DCC: variants seen among roughly 807,000 people sequenced by gnomAD.
The protein encoded by DCC is netrin receptor DCC.
DCC carries 58 observed loss-of-function variants against 172.5 expected under a neutral mutation model. That is an observed-to-expected ratio of 0.34 (90% CI 0.27 to 0.42). The LOEUF (loss-of-function observed/expected upper bound fraction) is 0.42. Among genes scored for constraint, DCC ranks in the 10% least tolerant of loss-of-function variants. The pLI, the probability that DCC is intolerant of heterozygous loss-of-function variation, is 1.00. For missense variants in DCC, 1,740 were observed against 1,791.0 expected (o/e 0.97, Z 0.51); for synonymous variants, 709 against 644.5 (o/e 1.10, Z -1.52).
intron 1 of DCC, among the ~76,000 whole-genome samples, chr18:52,721,433 T>C (rs758969487): frequency 2.0e-5 from 3 of 152,192 alleles, no homozygotes; most frequent in Non-Finnish European, 4.4e-5. Context: ...GTTCTGTTTG[T>C]TCCAAATATA....
chr18:53,411,712 C>A (rs1910000405), intron 20 of DCC, among the ~76,000 whole-genome samples: 1 of 152,116 alleles, frequency 6.6e-6, no homozygotes, highest in Non-Finnish European at 1.5e-5. Context: ...CAACAACACA[C>A]AAGCAAGCAT....
chr18:52,355,620 G>A (rs1568129761), intron 1 of DCC, among the ~76,000 whole-genome samples: 1 of 152,088 alleles, frequency 6.6e-6, no homozygotes. Context: ...AATGTTTCAT[G>A]TATCATATTT....
intron 25 of DCC, among the ~76,000 whole-genome samples, chr18:53,474,746 T>G (rs1322263872): frequency 6.6e-6 from 1 of 152,168 alleles, no homozygotes; most frequent in Non-Finnish European, 1.5e-5. Flanking sequence ...TGGACTAATA[T>G]AGTAATTTGT....
At chr18:53,014,408 A>G (rs1318975885) in intron 5 of DCC, among the ~76,000 whole-genome samples, 1 of 145,396 alleles carries the variant, frequency 6.9e-6, no homozygotes, top group Non-Finnish European at 1.5e-5. Flanking sequence ...CATTAGGTAT[A>G]TCTCCTAATG....
chr18:53,423,133 A>C (rs13381100), intron 21 of DCC, among the ~76,000 whole-genome samples: 65,603 of 152,000 alleles, frequency 0.43, 15,965 homozygotes, highest in Non-Finnish European at 0.56. Context: ...ATAGGAATTG[A>C]TGTGATTCAT....
intron 1 of DCC, among the ~76,000 whole-genome samples, chr18:52,692,953 C>G (rs1455449335): frequency 6.6e-6 from 1 of 152,090 alleles, no homozygotes; most frequent in Non-Finnish European, 1.5e-5. Context: ...CCTTTAAGAA[C>G]AGTCCTCTGA....
At chr18:52,969,584 A>ACTCTCTCTCTCTCTCTCTCT (rs56024197) in intron 5 of DCC, among the ~76,000 whole-genome samples, 1 of 119,440 alleles carries the variant, frequency 8.4e-6, no homozygotes, top group Non-Finnish European at 1.7e-5. Context: ...CCCGCCCCCC[A>ACTCTCTCTCTCTCTCTCTCT]CTCTCTCTCT....
At chr18:52,607,790 T>C (rs1024576135) in intron 1 of DCC, among the ~76,000 whole-genome samples, 5 of 152,162 alleles carry the variant, frequency 3.3e-5, no homozygotes, top group South Asian at 4.1e-4. Flanking sequence ...TAAAATGCTG[T>C]GTAAAAATGA....
chr18:53,288,858 T>C (rs773054727), intron 12 of DCC, among the ~76,000 whole-genome samples: 16 of 152,146 alleles, frequency 1.1e-4, no homozygotes, highest in Non-Finnish European at 1.9e-4. Context: ...ATAAATAAAA[T>C]TGGTACAGTA....
intron 7 of DCC, among the ~76,000 whole-genome samples, chr18:53,135,514 T>C (rs2043727709): frequency 6.6e-6 from 1 of 152,158 alleles, no homozygotes; most frequent in East Asian, 1.9e-4. Context: ...GCAGGAATTA[T>C]TTTCTGCAAG....
chr18:53,231,542 A>C (rs1354169354), intron 12 of DCC, among the ~76,000 whole-genome samples: 1 of 152,136 alleles, frequency 6.6e-6, no homozygotes, highest in Non-Finnish European at 1.5e-5. Flanking sequence ...ATTGTGACCA[A>C]TGATATAATG....
intron 8 of DCC, among the ~76,000 whole-genome samples, chr18:53,169,641 G>A (rs982411226): frequency 3.3e-5 from 5 of 152,128 alleles, no homozygotes; most frequent in Admixed American, 6.6e-5. Flanking sequence ...CATATTTGAA[G>A]GGTAATTATG....
In DCC at chr18:52,510,797, A is replaced by G. The variant is rs7233090; in HGVS notation, c.91+169919A>G. 8.4e-3 allele frequency among the ~76,000 whole-genome samples: 1,283 copies of G among 152,212 alleles called. 25 individuals are homozygous for G. Among genetic ancestry groups the G allele is most frequent in the African/African-American group, 0.03 (1,233 of 41,508 alleles). On this transcript the variant is annotated intron_variant, in intron 1 of 28. Transcript: ENST00000442544. ...CTGAGCGTGAAAGGGTCTTCCCAGA[A>G]TCTCTGACGGTGTCCCACAGAGATA...
At chr18:52,545,480 G>T (rs2032585510) in intron 1 of DCC, among the ~76,000 whole-genome samples, 1 of 152,166 alleles carries the variant, frequency 6.6e-6, no homozygotes, top group South Asian at 2.1e-4. Context: ...CTCTCTCAAT[G>T]GTGGCTTCCC....
chr18:53,407,966 AG>A (rs1909771799), intron 19 of DCC, among the ~76,000 whole-genome samples: 1 of 152,194 alleles, frequency 6.6e-6, no homozygotes, highest in Non-Finnish European at 1.5e-5. Context: ...ACAGACAGAA[AG>A]GTCATACAAC....
chr18:53,380,825 T>C (rs959697420), intron 15 of DCC, among the ~76,000 whole-genome samples: 11 of 152,182 alleles, frequency 7.2e-5, no homozygotes, highest in African/African-American at 2.7e-4. Flanking sequence ...ACAAGTCCAT[T>C]GCAAGTGTGT....
intron 5 of DCC, among the ~76,000 whole-genome samples, chr18:52,977,699 C>T (rs970750766): frequency 5.3e-5 from 8 of 151,820 alleles, no homozygotes; most frequent in Admixed American, 3.3e-4. Context: ...TCCTGGCTAA[C>T]ATGGTGAAAC....
At chr18:52,987,455 T>A in intron 5 of DCC, among the ~76,000 whole-genome samples, 1 of 152,210 alleles carries the variant, frequency 6.6e-6, no homozygotes, top group Non-Finnish European at 1.5e-5. Flanking sequence ...TGTGACTTCA[T>A]CATTTGTTGA....
At chr18:52,839,293 G>A (rs2145313880) in intron 2 of DCC, among the ~76,000 whole-genome samples, 1 of 152,284 alleles carries the variant, frequency 6.6e-6, no homozygotes, top group Admixed American at 6.5e-5. Context: ...GTATGTTTGT[G>A]TGCATGTGCG....
Sources: allele counts gnomAD v4.1 joint callset (sites outside exome capture counted in the v4.1 genomes callset), GRCh38; gene constraint gnomAD v4.1.1; transcripts MANE v1.5; gene names NCBI Gene and HGNC (gene_info 2026-07-23, HGNC 2026-07-21).